Variants in FOXP2 observed in about 807,000 individuals in gnomAD.
The protein encoded by FOXP2 is forkhead box P2.
A neutral mutation model predicts 115.8 loss-of-function variants in FOXP2; 12 were observed. That is an observed-to-expected ratio of 0.10 (90% CI 0.07 to 0.17). The LOEUF (loss-of-function observed/expected upper bound fraction) is 0.17. Ranked by LOEUF, FOXP2 falls within the 10% of genes least tolerant of loss-of-function variation. The pLI is 1.00. For synonymous variants in FOXP2, 328 were observed against 297.7 expected, an observed-to-expected ratio of 1.10 and a Z score of -1.05; for missense variants, 629 against 843.5, an observed-to-expected ratio of 0.75 and a Z score of 3.15.
rs369812120 is a variant in FOXP2, at chr7:114,343,598, T to G, written c.-11+55489T>G. ...TGCCACAGTTTTTTAAAACTATCAG[T>G]TAACTCACCCTTAAGAAGATTGTTC... is the stretch of plus-strand genomic sequence containing the variant. On this transcript the variant is annotated intron_variant, in intron 2 of 17. Coordinates refer to the FOXP2 transcript ENST00000634411. Among the ~76,000 whole-genome samples, 9 of 151,822 alleles carry G rather than the reference T, an allele frequency of 5.9e-5. No individual in the cohort carries two copies. In the South Asian group the frequency reaches 1.0e-3, roughly 17 times the overall value.
At chr7:114,096,554 G>A (rs1185864509) in intron 1 of FOXP2, among the ~76,000 whole-genome samples, 1 of 152,146 alleles carries the variant, frequency 6.6e-6, no homozygotes, top group African/African-American at 2.4e-5. Context: ...ATTGGTATTA[G>A]ATTTTTACAT....
At chr7:114,461,439 G>A (rs1011139489) in intron 2 of FOXP2, among the ~76,000 whole-genome samples, 1 of 151,110 alleles carries the variant, frequency 6.6e-6, no homozygotes, top group Non-Finnish European at 1.5e-5. Flanking sequence ...GACCATGATT[G>A]TGTCCTGCTA....
At chr7:114,092,387 T>C (rs1028900249) in intron 1 of FOXP2, among the ~76,000 whole-genome samples, 2 of 151,822 alleles carry the variant, frequency 1.3e-5, no homozygotes, top group Non-Finnish European at 1.5e-5. Context: ...ACTAGAAATA[T>C]CTTAAAGATT....
intron 3 of FOXP2, among the ~76,000 whole-genome samples, chr7:114,547,534 G>A (rs1227582851): frequency 1.3e-5 from 2 of 152,122 alleles, no homozygotes; most frequent in Non-Finnish European, 2.9e-5. Flanking sequence ...GAGGCGGGCG[G>A]GTCACGAGGT....
At chr7:114,509,645 GT>G (rs1797977366) in intron 2 of FOXP2, among the ~76,000 whole-genome samples, 1 of 137,514 alleles carries the variant, frequency 7.3e-6, no homozygotes, top group Non-Finnish European at 1.6e-5. Context: ...AAGGGTACTT[GT>G]TTGTTTTGTT....
intron 1 of FOXP2, among the ~76,000 whole-genome samples, chr7:114,281,844 T>G (rs1007032717): frequency 1.3e-5 from 2 of 152,184 alleles, no homozygotes; most frequent in African/African-American, 2.4e-5. Flanking sequence ...TCTCTATTTC[T>G]GTGAATGTAT....
chr7:114,401,999 G>C (rs1413396584), intron 2 of FOXP2, among the ~76,000 whole-genome samples: 1 of 152,174 alleles, frequency 6.6e-6, no homozygotes, highest in African/African-American at 2.4e-5. Context: ...GCACATGCCT[G>C]CAATCCCAGC....
chr7:114,111,207 G>A (rs1481407360), intron 1 of FOXP2, among the ~76,000 whole-genome samples: 1 of 152,060 alleles, frequency 6.6e-6, no homozygotes, highest in Non-Finnish European at 1.5e-5. Flanking sequence ...TGCTTTGGCC[G>A]GTGCGACATC....
intron 1 of FOXP2, among the ~76,000 whole-genome samples, chr7:114,184,022 T>A (rs1031453535): frequency 6.6e-6 from 1 of 152,220 alleles, no homozygotes; most frequent in African/African-American, 2.4e-5. Context: ...AGAATTTCTT[T>A]ATTTTTACTT....
intron 1 of FOXP2, among the ~76,000 whole-genome samples, chr7:114,178,603 C>G (rs1793377992): frequency 6.6e-6 from 1 of 151,874 alleles, no homozygotes; most frequent in African/African-American, 2.4e-5. Context: ...CTTGTATTAG[C>G]TGTAAGAACA....
chr7:114,437,628 G>C (rs1376663149), intron 2 of FOXP2, among the ~76,000 whole-genome samples: 2 of 152,130 alleles, frequency 1.3e-5, no homozygotes, highest in African/African-American at 4.8e-5. Context: ...AAAATTAACT[G>C]TAAGAATTAT....
At chr7:114,593,045 G>T (rs1254420311) in intron 3 of FOXP2, among the ~76,000 whole-genome samples, 1 of 151,876 alleles carries the variant, frequency 6.6e-6, no homozygotes, top group African/African-American at 2.4e-5. Context: ...GAGGTTCAAG[G>T]TATTGACTGC....
At chr7:114,315,320 G>T (rs1797249897) in intron 2 of FOXP2, among the ~76,000 whole-genome samples, 1 of 152,138 alleles carries the variant, frequency 6.6e-6, no homozygotes, top group Non-Finnish European at 1.5e-5. Flanking sequence ...AGAGGAGTCT[G>T]AGGAGCATAA....
chr7:114,411,666 T>C (rs540936631), upstream of FOXP2, among the ~76,000 whole-genome samples: 6 of 152,256 alleles, frequency 3.9e-5, no homozygotes, highest in Admixed American at 1.3e-4. Context: ...CACTGGGCAT[T>C]TTTTCCTGTT....
intron 2 of FOXP2, among the ~76,000 whole-genome samples, chr7:114,482,206 G>C (rs954443062): frequency 6.6e-6 from 1 of 151,404 alleles, no homozygotes; most frequent in Non-Finnish European, 1.5e-5. Flanking sequence ...TGATTGAGGA[G>C]AAAATAGTTC....
At chr7:114,658,308 G>A in intron 11 of FOXP2, 41 bp downstream of exon 11, 1 of 1,594,018 alleles carries the variant, frequency 6.3e-7, no homozygotes, top group Non-Finnish European at 8.6e-7. Context: ...TACTTTGGGA[G>A]AGGAAAACTG....
chr7:114,257,596 C>A (rs181157397), intron 1 of FOXP2, among the ~76,000 whole-genome samples: 3 of 151,418 alleles, frequency 2.0e-5, no homozygotes, highest in African/African-American at 7.3e-5. Flanking sequence ...TGGCATTACA[C>A]GAGCCTGCCA....
intron 6 of FOXP2, among the ~76,000 whole-genome samples, chr7:114,634,748 A>G (rs1805122494): frequency 6.6e-6 from 1 of 152,124 alleles, no homozygotes; most frequent in African/African-American, 2.4e-5. Context: ...TTTATATATT[A>G]TCTAGTAATG....
intron 1 of FOXP2, among the ~76,000 whole-genome samples, chr7:114,270,241 GC>G (rs1796003382): frequency 6.6e-6 from 1 of 152,072 alleles, no homozygotes; most frequent in African/African-American, 2.4e-5. Flanking sequence ...CATCTTGCTA[GC>G]CCCCAAGTTT....
Sources: allele counts gnomAD v4.1 joint callset (sites outside exome capture counted in the v4.1 genomes callset), GRCh38; gene constraint gnomAD v4.1.1; transcripts MANE v1.5; gene names NCBI Gene and HGNC (gene_info 2026-07-23, HGNC 2026-07-21).